The following DENND1B variants were observed in gnomAD, a reference collection of about 807,000 sequenced individuals.
DENND1B encodes DENN domain containing 1B, also known as DENN domain-containing protein 1B.
A neutral mutation model predicts 90.1 loss-of-function variants in DENND1B; 59 were observed. The observed-to-expected ratio is 0.65, with a 90% CI of 0.53 to 0.81. The LOEUF is 0.81. Among genes scored for constraint, DENND1B ranks in the 40% least tolerant of loss-of-function variants. The pLI is 0.00. For missense variants in DENND1B, 862 were observed against 912.6 expected (o/e 0.94, Z 0.71); for synonymous variants, 337 against 324.6 (o/e 1.04, Z -0.41).
At chr1:197,716,970 C>T (rs1008038071) in intron 2 of DENND1B, among the ~76,000 whole-genome samples, 4 of 151,554 alleles carry the variant, frequency 2.6e-5, no homozygotes, top group South Asian at 2.1e-4. Flanking sequence ...TCTGTTTTTT[C>T]GGAGAGAGAA....
intron 12 of DENND1B, among the ~76,000 whole-genome samples, chr1:197,608,970 T>C (rs562074294): frequency 5.3e-5 from 8 of 150,058 alleles, no homozygotes; most frequent in African/African-American, 1.9e-4. Flanking sequence ...AAAAATAGAG[T>C]GTAACAAATT....
At chr1:197,772,643 T>C (rs1465092852) in intron 2 of DENND1B, among the ~76,000 whole-genome samples, 1 of 152,144 alleles carries the variant, frequency 6.6e-6, no homozygotes, top group Non-Finnish European at 1.5e-5. Context: ...GGCAACGTGG[T>C]GAACCCTGTC....
chr1:197,717,109 T>C (rs1660722308), intron 2 of DENND1B, among the ~76,000 whole-genome samples: 1 of 151,982 alleles, frequency 6.6e-6, no homozygotes, highest in African/African-American at 2.4e-5. Flanking sequence ...ATCCATATTT[T>C]GAAATGGATT....
At chr1:197,639,069 ATT>A (rs35225644) in intron 10 of DENND1B, among the ~76,000 whole-genome samples, 4 of 145,164 alleles carry the variant, frequency 2.8e-5, no homozygotes, top group Non-Finnish European at 3.0e-5. Flanking sequence ...TTAAAGGTTA[ATT>A]TTTTTTTTTT....
intron 6 of DENND1B, among the ~76,000 whole-genome samples, chr1:197,652,957 G>T (rs987723064): frequency 3.0e-4 from 45 of 151,784 alleles, no homozygotes; most frequent in African/African-American, 9.9e-4. Flanking sequence ...AATATACAAA[G>T]ATTTTTATAG....
intron 20 of DENND1B, among the ~76,000 whole-genome samples, chr1:197,536,395 G>A (rs1669908665): frequency 6.6e-6 from 1 of 152,042 alleles, no homozygotes; most frequent in Non-Finnish European, 1.5e-5. Context: ...TTAAAATCAA[G>A]GATTTGATGA....
intron 3 of DENND1B, among the ~76,000 whole-genome samples, chr1:197,686,234 C>T (rs920152540): frequency 2.0e-5 from 3 of 152,124 alleles, no homozygotes; most frequent in African/African-American, 7.2e-5. Context: ...TAAATTATAT[C>T]ATGCCTTCTA....
intron 5 of DENND1B, among the ~76,000 whole-genome samples, chr1:197,670,664 T>C (rs1022172030): frequency 2.6e-5 from 4 of 152,074 alleles, no homozygotes; most frequent in African/African-American, 9.7e-5. Context: ...AGAAAGCATA[T>C]ACAGCTTTGG....
In DENND1B at chr1:197,735,819, G is replaced by T. The variant is rs750259927; in HGVS notation, c.83-20745C>A. ...CCTCTACAGAAAGAAGCACAAAAAG[G>T]GACAATTGGAAGAAATTCAAAAGAA... On this transcript the variant is annotated intron_variant, in intron 2 of 22. Coordinates refer to ENST00000620048, the MANE Select transcript of DENND1B (RefSeq NM_001195215.2). The T allele has an allele frequency of 1.2e-4, 187 of 1,608,350 alleles. 1 individual carries two copies. The South Asian group carries it at 2.0e-3, about 17-fold the overall frequency.
intron 2 of DENND1B, among the ~76,000 whole-genome samples, chr1:197,727,534 CAA>C (rs371522158): frequency 5.4e-5 from 6 of 110,382 alleles, no homozygotes; most frequent in Admixed American, 9.5e-5. Flanking sequence ...GACTCCTTCT[CAA>C]AAAAAAAAAA....
At chr1:197,745,613 A>AT (rs1663645315) in intron 2 of DENND1B, among the ~76,000 whole-genome samples, 3 of 116,878 alleles carry the variant, frequency 2.6e-5, no homozygotes, top group Admixed American at 1.6e-4. Flanking sequence ...CACCATATAT[A>AT]TATTATATAT....
At position 197,642,788 on chromosome 1, in the gene DENND1B, C is replaced by T. The variant is rs1400038600; in HGVS notation, c.595G>A (p.Val199Met). ...NLTEYFVAVD[V>M]NNMLQLYASM... Reference sequence around the variant, plus strand: ...GCATACAGCTGCAGCATGTTGTTCACATCCACGGCAACAAAATATTCTGTA... The same window carrying T: ...GCATACAGCTGCAGCATGTTGTTCATATCCACGGCAACAAAATATTCTGTA... The change falls in exon 10 of 23, where the codon GTG becomes ATG. Residue 199 changes from valine to methionine, a missense_variant. Transcript: ENST00000620048. 1.9e-6 allele frequency: 3 copies of T among 1,613,354 alleles called. No individual in the cohort carries two copies. The highest frequency in any genetic ancestry group is 2.5e-6 in the Non-Finnish European group (3 of 1,179,716).
At chr1:197,556,482 A>G (rs1316927956) in intron 15 of DENND1B, among the ~76,000 whole-genome samples, 2 of 152,056 alleles carry the variant, frequency 1.3e-5, no homozygotes, top group Non-Finnish European at 2.9e-5. Flanking sequence ...AAATAATGGA[A>G]TCTTAGATTT....
chr1:197,736,117 G>A (rs954244035), intron 2 of DENND1B: 8 of 665,228 alleles, frequency 1.2e-5, no homozygotes, highest in African/African-American at 9.4e-5. Context: ...TAAACTGGCA[G>A]ATTAGATTTT....
intron 11 of DENND1B, among the ~76,000 whole-genome samples, chr1:197,613,032 T>G (rs772884084): frequency 6.6e-6 from 1 of 150,874 alleles, no homozygotes; most frequent in Non-Finnish European, 1.5e-5. Context: ...GCAATTCTTT[T>G]ATAGGCATCT....
At chr1:197,725,216 G>T (rs1215516799) in intron 2 of DENND1B, among the ~76,000 whole-genome samples, 1 of 152,074 alleles carries the variant, frequency 6.6e-6, no homozygotes, top group African/African-American at 2.4e-5. Context: ...AAGCATCCTA[G>T]AGAGAAAAGA....
Position 197,644,018 on chromosome 1 carries a change from T to C in DENND1B, c.562-1197A>G, listed in dbSNP as rs185500858. Among the ~76,000 whole-genome samples the C allele has an allele frequency of 3.3e-5, 5 of 152,266 alleles. No homozygotes were observed. In the East Asian group the frequency reaches 9.7e-4, roughly 29 times the overall value. On this transcript the variant is annotated intron_variant, in intron 9 of 22. Transcript: ENST00000620048. ...AATTACTTCTTCAATTTCCGGAAGA[T>C]AGAAACTTTACCATCACAAATTGGT...
chr1:197,670,147 G>A (rs1655344411), intron 5 of DENND1B, among the ~76,000 whole-genome samples: 1 of 152,080 alleles, frequency 6.6e-6, no homozygotes, highest in Non-Finnish European at 1.5e-5. Flanking sequence ...ATATTTTCAA[G>A]TAATGATGGC....
chr1:197,631,493 T>C (rs1679322419), intron 10 of DENND1B, among the ~76,000 whole-genome samples: 1 of 151,986 alleles, frequency 6.6e-6, no homozygotes, highest in African/African-American at 2.4e-5. Flanking sequence ...ATTCAGACAA[T>C]ATTTCAAATA....
Sources: gnomAD v4.1 joint callset for allele counts (sites outside exome capture counted in the v4.1 genomes callset) on GRCh38, gnomAD v4.1.1 for gene constraint, MANE v1.5 for transcripts, NCBI Gene and HGNC (gene_info 2026-07-23, HGNC 2026-07-21) for gene names.